The following ZNF91 variants were observed in gnomAD, a reference collection of about 807,000 sequenced individuals.
ZNF91 encodes zinc finger protein 91 (HPF7, HTF10).
In ZNF91, 7 loss-of-function variants were observed where a neutral mutation model predicts 12.6. The ratio of observed to expected loss-of-function variants is 0.55; its 90% CI spans 0.31 to 1.04. ZNF91 has a LOEUF of 1.04. Ranked by LOEUF, ZNF91 falls within the 50% of genes least tolerant of loss-of-function variation. The probability of loss-of-function intolerance (pLI) is 0.05; values close to 1 mark genes in which losing one functional copy is unlikely to be tolerated. For synonymous variants in ZNF91, 453 were observed against 462.6 expected, an observed-to-expected ratio of 0.98 and a Z score of 0.27; for missense variants, 1,217 against 1,385.4, an observed-to-expected ratio of 0.88 and a Z score of 1.93.
chr19:23,339,764 A>C (rs1968085357), intron 3 of ZNF91: 6 of 151,254 alleles, frequency 4.0e-5, no homozygotes. Flanking sequence ...ACATGGCAAA[A>C]CCCTGTCCCT....
intron 3 of ZNF91, among the ~76,000 whole-genome samples, chr19:23,342,634 A>G (rs1968148278): frequency 6.6e-6 from 1 of 152,142 alleles, no homozygotes; most frequent in South Asian, 2.1e-4. Context: ...TATTCCAATA[A>G]ACCTTCAAGT....
At chr19:23,369,968 C>T (rs1483133455) in intron 3 of ZNF91, among the ~76,000 whole-genome samples, 15 of 146,770 alleles carry the variant, frequency 1.0e-4, no homozygotes, top group Admixed American at 2.0e-4. Context: ...CCTGCCAAAT[C>T]CCCCTCTCCG....
intron 3 of ZNF91, among the ~76,000 whole-genome samples, chr19:23,346,595 C>A (rs535963802): frequency 6.6e-6 from 1 of 152,182 alleles, no homozygotes; most frequent in African/African-American, 2.4e-5. Flanking sequence ...GAAGGAACCA[C>A]TAAACCTTTC....
intron 3 of ZNF91, among the ~76,000 whole-genome samples, chr19:23,366,218 A>G (rs1174719227): frequency 6.6e-6 from 1 of 151,432 alleles, no homozygotes; most frequent in Admixed American, 6.6e-5. Flanking sequence ...CCTCCCTCCC[A>G]GATGGGGCGG....
intron 1 of ZNF91, among the ~76,000 whole-genome samples, chr19:23,331,227 T>C (rs1191265388): frequency 6.6e-6 from 1 of 152,202 alleles, no homozygotes; most frequent in East Asian, 1.9e-4. Context: ...CCTTCTATTG[T>C]GGTAAGACTA....
chr19:23,388,460 C>T (rs565914294), intron 1 of ZNF91, among the ~76,000 whole-genome samples: 1 of 152,124 alleles, frequency 6.6e-6, no homozygotes, highest in Non-Finnish European at 1.5e-5. Flanking sequence ...CATTACATTA[C>T]CTGTTTTCAA....
At chr19:23,308,657 C>G (rs1486713207) in intron 2 of ZNF91, 1 of 152,164 alleles carries the variant, frequency 6.6e-6, no homozygotes, top group Non-Finnish European at 1.5e-5. Context: ...GCTTTGACAG[C>G]CTTCTCTTTA....
chr19:23,390,819 C>T (rs1259441815), intron 1 of ZNF91, among the ~76,000 whole-genome samples: 1 of 152,196 alleles, frequency 6.6e-6, no homozygotes, highest in Admixed American at 6.5e-5. Context: ...CTCAGGCAAT[C>T]CACCTGCCTT....
chr19:23,317,156 C>T (rs1231589581), intron 1 of ZNF91, among the ~76,000 whole-genome samples: 2 of 152,140 alleles, frequency 1.3e-5, no homozygotes, highest in African/African-American at 4.8e-5. Flanking sequence ...TGCCATTCTC[C>T]TGCCTCAGCC....
At chr19:23,363,349 G>A (rs1968886341) in intron 3 of ZNF91, among the ~76,000 whole-genome samples, 2 of 152,186 alleles carry the variant, frequency 1.3e-5, no homozygotes, top group Admixed American at 1.3e-4. Context: ...TGGAATGAAA[G>A]TTTGAGTCTG....
Position 23,320,347 on chromosome 19 carries a change from C to T in ZNF91, n.117-11250G>A, listed in dbSNP as rs186144289. On this transcript the variant is annotated intron_variant and non_coding_transcript_variant, in intron 1 of 1. Coordinates refer to the ZNF91 transcript ENST00000596528. Reference sequence around the variant, plus strand: ...AGGTCTTAATGCAGATTGCAATTCTCATGCATATCATATTGTATTAGTTCA... The same window carrying T: ...AGGTCTTAATGCAGATTGCAATTCTTATGCATATCATATTGTATTAGTTCA... 2.8e-4 allele frequency among the ~76,000 whole-genome samples: 43 copies of T among 152,282 alleles called. No homozygotes were observed. In the East Asian group the frequency reaches 7.3e-3, roughly 26 times the overall value.
rs1968535035 is a variant in ZNF91 at position 23,357,916 on chromosome 19, A to G, written c.*1487T>C. The G allele has an allele frequency of 6.6e-6, 1 of 152,192 alleles. No homozygotes were observed. The highest frequency in any genetic ancestry group is 6.5e-5 in the Admixed American group (1 of 15,276). The allele number at this position is 152,192 out of a possible 1,614,324, so 9.4% of individuals were successfully genotyped here. ...ATCAAAATATGCCACATATGGCATA[A>G]TATGTACACATATTAGGTATCCACA... On this transcript the variant is annotated 3_prime_UTR_variant, in exon 4 of 4. Coordinates refer to ENST00000300619, the MANE Select transcript of ZNF91 (RefSeq NM_003430.4).
chr19:23,385,844 T>C (rs1969850406), intron 1 of ZNF91, among the ~76,000 whole-genome samples: 1 of 152,202 alleles, frequency 6.6e-6, no homozygotes, highest in Non-Finnish European at 1.5e-5. Flanking sequence ...TATCCCTATA[T>C]ATTATATCTA....
upstream of ZNF91, among the ~76,000 whole-genome samples, chr19:23,313,608 T>G (rs1289977951): frequency 6.6e-6 from 1 of 152,152 alleles, no homozygotes; most frequent in Non-Finnish European, 1.5e-5. Flanking sequence ...GATTGTAACA[T>G]TTATCTCTGG....
intron 3 of ZNF91, among the ~76,000 whole-genome samples, chr19:23,346,604 TCTCC>T (rs1202931011): frequency 4.6e-5 from 7 of 152,122 alleles, no homozygotes; most frequent in African/African-American, 1.7e-4. Context: ...ACTAAACCTT[TCTCC>T]CTCTATACCG....
chr19:23,320,862 T>C (rs1273126015), intron 1 of ZNF91, among the ~76,000 whole-genome samples: 1 of 152,236 alleles, frequency 6.6e-6, no homozygotes, highest in Non-Finnish European at 1.5e-5. Flanking sequence ...TTGAATCTTA[T>C]ATCTAGAGGC....
chr19:23,340,733 A>G (rs888508851), intron 3 of ZNF91, among the ~76,000 whole-genome samples: 7 of 150,482 alleles, frequency 4.7e-5, no homozygotes, highest in African/African-American at 1.7e-4. Flanking sequence ...CTATTATTAA[A>G]TTATTATTTA....
intron 1 of ZNF91, among the ~76,000 whole-genome samples, chr19:23,316,493 A>G (rs1281781537): frequency 6.6e-6 from 1 of 152,148 alleles, no homozygotes; most frequent in Non-Finnish European, 1.5e-5. Context: ...CAGGGGTTGT[A>G]ACGTATTCCT....
chr19:23,314,956 G>A (rs771553682), upstream of ZNF91, among the ~76,000 whole-genome samples: 3 of 152,176 alleles, frequency 2.0e-5, no homozygotes, highest in Admixed American at 6.5e-5. Context: ...TTTCACTGGA[G>A]TGATTGTGAC....
Sources: allele counts gnomAD v4.1 joint callset (sites outside exome capture counted in the v4.1 genomes callset), GRCh38; gene constraint gnomAD v4.1.1; transcripts MANE v1.5; gene names NCBI Gene and HGNC (gene_info 2026-07-23, HGNC 2026-07-21).